HLCS: variants seen among roughly 807,000 people sequenced by gnomAD.
HLCS encodes holocarboxylase synthetase.
In HLCS, 53 loss-of-function variants were observed where a neutral mutation model predicts 75.0. That is an observed-to-expected ratio of 0.71 (90% CI 0.57 to 0.89). HLCS has a LOEUF of 0.89. Among genes scored for constraint, HLCS ranks in the 40% least tolerant of loss-of-function variants. The pLI, the probability that HLCS is intolerant of heterozygous loss-of-function variation, is 0.00. For missense variants in HLCS, 966 were observed against 1,074.0 expected (o/e 0.90, Z 1.41); for synonymous variants, 431 against 428.6 (o/e 1.01, Z -0.07).
intron 6 of HLCS, among the ~76,000 whole-genome samples, chr21:36,812,377 T>C (rs2061538954): frequency 6.6e-6 from 1 of 152,240 alleles, no homozygotes; most frequent in Admixed American, 6.5e-5. Context: ...TAATGCCCCC[T>C]ATCCTTTCTG....
At chr21:36,832,952 C>T (rs1236694958) in intron 6 of HLCS, among the ~76,000 whole-genome samples, 1 of 152,040 alleles carries the variant, frequency 6.6e-6, no homozygotes, top group East Asian at 1.9e-4. Context: ...GAATGAAGAG[C>T]TTGTTCCTTA....
intron 6 of HLCS, among the ~76,000 whole-genome samples, chr21:36,793,295 CTT>C (rs761549990): frequency 2.0e-4 from 23 of 116,188 alleles, no homozygotes; most frequent in East Asian, 5.0e-4. Flanking sequence ...AGGAAGCAGT[CTT>C]TTTTTTTTTT....
chr21:36,774,684 T>C (rs1021083985), intron 6 of HLCS, among the ~76,000 whole-genome samples: 1 of 152,220 alleles, frequency 6.6e-6, no homozygotes, highest in African/African-American at 2.4e-5. Context: ...TCATCACTTC[T>C]ACCTACACAC....
intron 5 of HLCS, among the ~76,000 whole-genome samples, chr21:36,897,482 C>T (rs544827064): frequency 1.3e-5 from 2 of 152,248 alleles, no homozygotes; most frequent in Admixed American, 1.3e-4. Flanking sequence ...TTACGGAAAA[C>T]TTTTATCTTT....
At chr21:36,877,633 T>C (rs1244120659) in intron 6 of HLCS, among the ~76,000 whole-genome samples, 1 of 152,130 alleles carries the variant, frequency 6.6e-6, no homozygotes, top group African/African-American at 2.4e-5. Context: ...GGTAGATATA[T>C]GTGTGTTGGG....
At chr21:36,803,690 A>G (rs1423226387) in intron 6 of HLCS, among the ~76,000 whole-genome samples, 2 of 152,208 alleles carry the variant, frequency 1.3e-5, no homozygotes, top group African/African-American at 4.8e-5. Context: ...AAGAAAGAAA[A>G]AAAAACTCAT....
rs778287214 is a variant in HLCS, at chr21:36,937,400, A to T, written c.494-8T>A. 1.2e-5 allele frequency: 20 copies of T among 1,609,216 alleles called. No individual in the cohort carries two copies. In the East Asian group the frequency reaches 4.0e-4, roughly 32 times the overall value. ...AGTCCTGCAAGTGCACCGCTAAGGC[A>T]TGAATAGGAGAGAGAGACAGAAAAT... On this transcript the variant is annotated splice_polypyrimidine_tract_variant and splice_region_variant and intron_variant, in intron 3 of 10. Transcript: ENST00000674895.
At chr21:36,868,274 G>GGAAAGAAAGAAA (rs140104266) in intron 6 of HLCS, among the ~76,000 whole-genome samples, 63 of 135,460 alleles carry the variant, frequency 4.7e-4, no homozygotes, top group African/African-American at 1.6e-3. Flanking sequence ...AAGGAAGGAA[G>GGAAAGAAAGAAA]GAAAGAAAGA....
intron 6 of HLCS, among the ~76,000 whole-genome samples, chr21:36,802,909 A>C (rs142056103): frequency 6.6e-6 from 1 of 152,350 alleles, no homozygotes; most frequent in African/African-American, 2.4e-5. Flanking sequence ...TAATATCCTG[A>C]TAATCTCAAA....
intron 10 of HLCS, among the ~76,000 whole-genome samples, 167 bp downstream of exon 10, chr21:36,756,375 C>T (rs1486928332): frequency 7.2e-6 from 1 of 138,504 alleles, no homozygotes; most frequent in Non-Finnish European, 1.5e-5. Context: ...GGCGTGAACC[C>T]GGGAGGCGGA....
At chr21:36,912,063 C>T (rs2065740389) in intron 5 of HLCS, among the ~76,000 whole-genome samples, 1 of 144,816 alleles carries the variant, frequency 6.9e-6, no homozygotes, top group Non-Finnish European at 1.5e-5. Flanking sequence ...AAGAGCAAAA[C>T]TCCGTCTCAA....
intron 2 of HLCS, among the ~76,000 whole-genome samples, chr21:36,953,080 C>T (rs886939984): frequency 1.3e-5 from 2 of 152,104 alleles, no homozygotes; most frequent in African/African-American, 2.4e-5. Context: ...GAAGTCGCCA[C>T]GTGAAATTTC....
chr21:36,864,754 T>A (rs1014487329), intron 6 of HLCS, among the ~76,000 whole-genome samples: 7 of 152,214 alleles, frequency 4.6e-5, no homozygotes, highest in Admixed American at 2.0e-4. Context: ...TTATCCTTTC[T>A]ATAGATGAAT....
At chr21:36,777,899 C>T (rs562253892) in intron 6 of HLCS, among the ~76,000 whole-genome samples, 6 of 152,320 alleles carry the variant, frequency 3.9e-5, no homozygotes, top group African/African-American at 1.4e-4. Context: ...AAATCTATTT[C>T]TCATGAAATT....
rs766262873 is a variant in HLCS at position 36,896,894 on chromosome 21, C to T, written c.1858G>A (p.Glu620Lys). ...KQLGKVILFA[E>K]VTPTTMRLLD... is the part of the protein sequence containing the mutation. ...AGACGCATCGTTGTGGGGGTCACTT[C>T]GGCAAACAAAATTACTTTCCCCAAC... Residue 620 changes from glutamate to lysine, a missense_variant, in exon 6 of 11, where the codon GAA becomes AAA. Coordinates refer to ENST00000674895, the MANE Select transcript of HLCS (RefSeq NM_001352514.2). The T allele has an allele frequency of 3.7e-6, 6 of 1,614,030 alleles. No homozygotes were observed. In the Admixed American group the frequency reaches 5.0e-5, roughly 13 times the overall value.
chr21:36,805,711 T>G (rs1458480580), intron 6 of HLCS, among the ~76,000 whole-genome samples: 2 of 152,108 alleles, frequency 1.3e-5, no homozygotes, highest in Non-Finnish European at 2.9e-5. Flanking sequence ...AAATCCAGAG[T>G]ATACTTTTAC....
chr21:36,861,677 T>C (rs1389932786), intron 6 of HLCS, among the ~76,000 whole-genome samples: 2 of 152,216 alleles, frequency 1.3e-5, no homozygotes, highest in African/African-American at 4.8e-5. Context: ...CGTTTGCTTA[T>C]ACTTTCTTTT....
At chr21:36,845,333 T>C (rs146931285) in intron 6 of HLCS, among the ~76,000 whole-genome samples, 32 of 152,232 alleles carry the variant, frequency 2.1e-4, no homozygotes, top group African/African-American at 7.5e-4. Context: ...CATGGGCAAG[T>C]GTCACCTTCA....
At chr21:36,793,239 T>C (rs2145887575) in intron 6 of HLCS, among the ~76,000 whole-genome samples, 2 of 151,366 alleles carry the variant, frequency 1.3e-5, no homozygotes, top group East Asian at 3.9e-4. Flanking sequence ...TCTAAGATCA[T>C]CCACAGGTGT....
Sources: gnomAD v4.1 joint callset for allele counts (sites outside exome capture counted in the v4.1 genomes callset) on GRCh38, gnomAD v4.1.1 for gene constraint, MANE v1.5 for transcripts, NCBI Gene and HGNC (gene_info 2026-07-23, HGNC 2026-07-21) for gene names.